Variants in DLGAP2 observed in about 807,000 individuals in gnomAD.
The protein encoded by DLGAP2 is DLG associated protein 2.
A neutral mutation model predicts 100.3 loss-of-function variants in DLGAP2; 26 were observed. That is an observed-to-expected ratio of 0.26 (90% CI 0.19 to 0.36). The LOEUF (loss-of-function observed/expected upper bound fraction) is 0.36. DLGAP2 is among the 10% of genes least tolerant of loss of function. The pLI is 1.00. For missense variants in DLGAP2, 1,858 were observed against 1,453.2 expected (o/e 1.28, Z -4.53); for synonymous variants, 886 against 630.1 (o/e 1.41, Z -6.08).
intron 2 of DLGAP2, among the ~76,000 whole-genome samples, chr8:1,072,848 G>A (rs1803477037): frequency 6.6e-6 from 1 of 152,242 alleles, no homozygotes; most frequent in Admixed American, 6.5e-5. Flanking sequence ...CTGCCGGGAA[G>A]GTTTCGGGGA....
chr8:1,169,132 A>G (rs1047758337), intron 2 of DLGAP2, among the ~76,000 whole-genome samples: 5 of 151,180 alleles, frequency 3.3e-5, no homozygotes, highest in African/African-American at 1.2e-4. Context: ...CATTTATTAA[A>G]TAGGGAATCC....
intron 2 of DLGAP2, among the ~76,000 whole-genome samples, chr8:1,092,048 C>T (rs961430220): frequency 9.2e-5 from 14 of 152,142 alleles, no homozygotes; most frequent in South Asian, 4.1e-4. Context: ...GTTTGAACTG[C>T]ACTCCAGCCG....
At chr8:1,363,808 G>C (rs970700570) in intron 3 of DLGAP2, among the ~76,000 whole-genome samples, 4 of 152,196 alleles carry the variant, frequency 2.6e-5, no homozygotes, top group Admixed American at 1.3e-4. Context: ...CAGAGGCTGC[G>C]GGTGTGACAG....
At chr8:947,762 C>T (rs1282757663) in intron 2 of DLGAP2, among the ~76,000 whole-genome samples, 1 of 152,210 alleles carries the variant, frequency 6.6e-6, no homozygotes, top group Admixed American at 6.5e-5. Context: ...TCCGGCTCCC[C>T]GGTCCCTCCT....
intron 4 of DLGAP2, among the ~76,000 whole-genome samples, chr8:1,539,705 C>T (rs149784685): frequency 3.2e-4 from 49 of 152,226 alleles, no homozygotes; most frequent in Non-Finnish European, 6.6e-4. Flanking sequence ...TGGAGGATGC[C>T]GACAGCGAGA....
intron 2 of DLGAP2, among the ~76,000 whole-genome samples, chr8:1,097,195 G>A (rs1453232476): frequency 5.5e-4 from 56 of 101,598 alleles, no homozygotes; most frequent in South Asian, 1.4e-3. Flanking sequence ...CAGGAGAGTC[G>A]AGCTGGGAGC....
chr8:1,632,678 G>T, intron 7 of DLGAP2, 149 bp from the exon 8 acceptor site: 1 of 708,168 alleles, frequency 1.4e-6, no homozygotes. Context: ...CCCAAGCTCA[G>T]CCGATGCCCA....
intron 2 of DLGAP2, among the ~76,000 whole-genome samples, chr8:1,120,585 C>T (rs923515730): frequency 6.6e-6 from 1 of 152,034 alleles, no homozygotes; most frequent in Non-Finnish European, 1.5e-5. Flanking sequence ...CATTAGGACC[C>T]ATGACCACCC....
intron 2 of DLGAP2, among the ~76,000 whole-genome samples, chr8:1,044,326 C>T (rs549523075): frequency 9.2e-5 from 14 of 152,280 alleles, no homozygotes; most frequent in African/African-American, 2.9e-4. Flanking sequence ...AAAACTCAGC[C>T]GTCTGTGAAT....
intron 3 of DLGAP2, among the ~76,000 whole-genome samples, chr8:1,449,088 G>T (rs146215051): frequency 6.6e-6 from 1 of 152,146 alleles, no homozygotes; most frequent in Non-Finnish European, 1.5e-5. Context: ...GGAATGCCTC[G>T]TGCCTGTCAT....
In DLGAP2 at chr8:1,655,850, C is replaced by T. The variant is rs375579910; in HGVS notation, c.1811-12479C>T. 4.0e-4 allele frequency among the ~76,000 whole-genome samples: 61 copies of T among 152,338 alleles called. No homozygotes were observed. The East Asian group carries it at 8.3e-3, about 21-fold the overall frequency. On this transcript the variant is annotated intron_variant, in intron 8 of 14. Transcript: ENST00000637795. Reference sequence around the variant, plus strand: ...AGGGAACTATGTCCAGACATGGCCTCTTCATGCAGGACATGTCCTAGACAG... The same window carrying T: ...AGGGAACTATGTCCAGACATGGCCTTTTCATGCAGGACATGTCCTAGACAG...
intron 1 of DLGAP2, among the ~76,000 whole-genome samples, chr8:847,557 A>T (rs1309868850): frequency 6.6e-6 from 1 of 150,520 alleles, no homozygotes; most frequent in Non-Finnish European, 1.5e-5. Context: ...CCCAGGCTGG[A>T]GTGCAAGTGG....
chr8:1,071,073 A>G (rs1044816955), intron 2 of DLGAP2, among the ~76,000 whole-genome samples: 2 of 151,728 alleles, frequency 1.3e-5, no homozygotes, highest in Admixed American at 1.3e-4. Flanking sequence ...TTCGGGGGCG[A>G]CCCGGGCCTC....
chr8:1,460,802 G>C (rs1414026844), intron 3 of DLGAP2, among the ~76,000 whole-genome samples: 1 of 152,164 alleles, frequency 6.6e-6, no homozygotes, highest in Non-Finnish European at 1.5e-5. Flanking sequence ...ATACTTTATG[G>C]GTAAAGACTG....
intron 3 of DLGAP2, among the ~76,000 whole-genome samples, chr8:1,376,408 C>T (rs902997875): frequency 9.2e-5 from 14 of 152,348 alleles, no homozygotes; most frequent in South Asian, 4.1e-4. Context: ...AAAAGCGCCC[C>T]GCTGCATGGC....
Position 1,407,391 on chromosome 8 carries a change from G to A in DLGAP2, c.107-93975G>A, listed in dbSNP as rs1488192365. ...CTCCCTCCTTGTCCTCCGGAGTCCTGTATTGAGTGCTTACTGAGCGCCACC... is the reference window on the plus strand; with the variant it reads ...CTCCCTCCTTGTCCTCCGGAGTCCTATATTGAGTGCTTACTGAGCGCCACC... On this transcript the variant is annotated intron_variant, in intron 3 of 14. Transcript: ENST00000637795. Among the ~76,000 whole-genome samples the A allele has an allele frequency of 2.4e-4, 28 of 114,338 alleles. 1 individual carries two copies. The highest frequency in any genetic ancestry group is 9.4e-4 in the African/African-American group (26 of 27,760). The allele number at this position is 114,338 out of a possible 152,430, so 75.0% of individuals were successfully genotyped here.
In DLGAP2 at chr8:1,197,169, C is replaced by T. The variant is rs140211649; in HGVS notation, c.74-61682C>T. Among the ~76,000 whole-genome samples the T allele has an allele frequency of 2.4e-4, 37 of 152,330 alleles. No homozygotes were observed. The East Asian group carries it at 7.2e-3, about 29-fold the overall frequency. ...GTCCAGTGCAGGTCTCTTCTGGAAA[C>T]GCCGTCACAGACACACACGGAAGTC... On this transcript the variant is annotated intron_variant, in intron 2 of 14. Transcript: ENST00000637795.
intron 3 of DLGAP2, among the ~76,000 whole-genome samples, chr8:1,418,857 C>T (rs186993949): frequency 3.3e-5 from 5 of 152,244 alleles, no homozygotes; most frequent in Non-Finnish European, 4.4e-5. Context: ...AGTCTGGCTT[C>T]TGGCCCGCTG....
chr8:792,250 G>A lies in DLGAP2; in HGVS notation c.18+54425G>A, dbSNP rs117329489. On this transcript the variant is annotated intron_variant, in intron 1 of 14. Coordinates refer to ENST00000637795, the MANE Select transcript of DLGAP2 (RefSeq NM_001346810.2). ...CATATTCTTTGCCCATTTTAAAATC[G>A]TGGCATTGTATTATTTTTCTTACTG... is the stretch of plus-strand genomic sequence containing the variant. 4.6e-3 allele frequency among the ~76,000 whole-genome samples: 698 copies of A among 152,022 alleles called. 6 individuals are homozygous for A. The highest frequency in any genetic ancestry group is 6.9e-3 in the Admixed American group (105 of 15,266).
Sources: allele counts gnomAD v4.1 joint callset (sites outside exome capture counted in the v4.1 genomes callset), GRCh38; gene constraint gnomAD v4.1.1; transcripts MANE v1.5; gene names NCBI Gene and HGNC (gene_info 2026-07-23, HGNC 2026-07-21).